The following FRMPD4 variants were observed in gnomAD, a reference collection of about 807,000 sequenced individuals.
The protein encoded by FRMPD4 is FERM and PDZ domain-containing protein 4.
In FRMPD4, 22 loss-of-function variants were observed where a neutral mutation model predicts 94.1. That is an observed-to-expected ratio of 0.23 (90% confidence interval 0.17 to 0.33). The LOEUF is 0.33. Among genes scored for constraint, FRMPD4 ranks in the 10% least tolerant of loss-of-function variants. The pLI, the probability that FRMPD4 is intolerant of heterozygous loss-of-function variation, is 1.00. For missense variants in FRMPD4, 1,111 were observed against 1,339.9 expected (o/e 0.83, Z 2.67); for synonymous variants, 631 against 548.6 (o/e 1.15, Z -2.10).
intron 1 of FRMPD4, among the ~76,000 whole-genome samples, chrX:12,397,343 T>A (rs776136624): frequency 2.7e-5 from 3 of 111,482 alleles, no homozygotes; most frequent in African/African-American, 9.8e-5. Flanking sequence ...AGAAATGTAC[T>A]CTGTGTAACA....
At chrX:11,882,805 T>C (rs2053821275) in intron 3 of FRMPD4, among the ~76,000 whole-genome samples, 1 of 111,241 alleles carries the variant, frequency 9.0e-6, no homozygotes, top group Non-Finnish European at 1.9e-5. Flanking sequence ...TTGGAGCATA[T>C]TTAGGGGCTC....
intron 1 of FRMPD4, among the ~76,000 whole-genome samples, chrX:12,328,839 G>A (rs2055327729): frequency 9.0e-6 from 1 of 111,523 alleles, no homozygotes; most frequent in South Asian, 3.8e-4. Context: ...GCCGGTATAG[G>A]GCTTATACAG....
chrX:12,460,199 A>T (rs2057377152), intron 1 of FRMPD4, among the ~76,000 whole-genome samples: 1 of 111,902 alleles, frequency 8.9e-6, no homozygotes, highest in Non-Finnish European at 1.9e-5. Flanking sequence ...ATTTTCTCTC[A>T]GTCTGTGGCT....
chrX:12,585,328 C>G (rs1321585237), intron 2 of FRMPD4, among the ~76,000 whole-genome samples: 1 of 110,142 alleles, frequency 9.1e-6, no homozygotes, highest in East Asian at 2.8e-4. Flanking sequence ...TCAAGCAATT[C>G]TCCTGCCTCA....
At chrX:12,336,851 A>AGT (rs1569236677) in intron 1 of FRMPD4, among the ~76,000 whole-genome samples, 1 of 111,819 alleles carries the variant, frequency 8.9e-6, no homozygotes, top group Non-Finnish European at 1.9e-5. Context: ...AAAGACAAGC[A>AGT]GTGTGTGTGT....
chrX:12,411,179 C>G (rs1397721141), intron 1 of FRMPD4, among the ~76,000 whole-genome samples: 1 of 111,741 alleles, frequency 8.9e-6, no homozygotes, highest in East Asian at 2.8e-4. Context: ...AACACCCACT[C>G]TTCAAGTTTT....
chrX:12,093,706 A>G (rs1445308049), intron 3 of FRMPD4, among the ~76,000 whole-genome samples: 1 of 110,629 alleles, frequency 9.0e-6, no homozygotes, highest in Non-Finnish European at 1.9e-5. Context: ...TATGCTTTGT[A>G]CTATTGAAGT....
At chrX:12,546,737 C>G (rs1204899206) in intron 2 of FRMPD4, among the ~76,000 whole-genome samples, 1 of 110,842 alleles carries the variant, frequency 9.0e-6, no homozygotes, top group Non-Finnish European at 1.9e-5. Context: ...ATATTATGAT[C>G]CATTCATCTC....
At chrX:12,619,627 G>A (rs1417172253) in intron 4 of FRMPD4, among the ~76,000 whole-genome samples, 1 of 111,816 alleles carries the variant, frequency 8.9e-6, no homozygotes, top group Non-Finnish European at 1.9e-5. Context: ...GCCCTGTTTG[G>A]CCTTAGTCCT....
At chrX:12,236,471 T>C (rs1261034035) in intron 1 of FRMPD4, among the ~76,000 whole-genome samples, 1 of 111,933 alleles carries the variant, frequency 8.9e-6, no homozygotes, top group Non-Finnish European at 1.9e-5. Flanking sequence ...CCTATTTATC[T>C]TTGAATCATT....
intron 1 of FRMPD4, among the ~76,000 whole-genome samples, chrX:11,842,248 T>G (rs1316322531): frequency 3.9e-5 from 4 of 102,728 alleles, no homozygotes; most frequent in Non-Finnish European, 3.9e-5. Flanking sequence ...TTTGGTTCCA[T>G]ATGAACTTTA....
chrX:11,833,654 C>T (rs2053486798), intron 1 of FRMPD4, among the ~76,000 whole-genome samples: 1 of 111,821 alleles, frequency 8.9e-6, no homozygotes, highest in Non-Finnish European at 1.9e-5. Flanking sequence ...TTTGCAGCCT[C>T]TCCACCTGGA....
At chrX:12,479,500 T>C (rs1450209931) in intron 1 of FRMPD4, among the ~76,000 whole-genome samples, 2 of 99,101 alleles carry the variant, frequency 2.0e-5, no homozygotes, top group South Asian at 8.8e-4. Flanking sequence ...ACGTATATAT[T>C]ATATATATAT....
intron 3 of FRMPD4, among the ~76,000 whole-genome samples, chrX:11,934,328 G>A (rs1487897056): frequency 8.9e-6 from 1 of 111,858 alleles, no homozygotes; most frequent in Non-Finnish European, 1.9e-5. Context: ...CATAGAAACA[G>A]GATGTTATGG....
intron 9 of FRMPD4, among the ~76,000 whole-genome samples, chrX:12,697,909 T>C (rs1208214907): frequency 8.9e-6 from 1 of 112,259 alleles, no homozygotes; most frequent in Non-Finnish European, 1.9e-5. Context: ...TATCCTCCGC[T>C]GAAACAGGAA....
chrX:12,653,908 C>G (rs937631196), intron 4 of FRMPD4, among the ~76,000 whole-genome samples: 33 of 111,940 alleles, frequency 2.9e-4, no homozygotes, highest in African/African-American at 1.0e-3. Context: ...GCTGGGATTA[C>G]AGGCATGTGC....
intron 1 of FRMPD4, among the ~76,000 whole-genome samples, chrX:12,424,370 A>G (rs2056922172): frequency 8.9e-6 from 1 of 112,990 alleles, no homozygotes; most frequent in South Asian, 3.6e-4. Flanking sequence ...TTCCTTGAAT[A>G]GTAGGACTTC....
chrX:12,008,459 AG>A (rs773128020), intron 3 of FRMPD4, among the ~76,000 whole-genome samples: 1 of 112,617 alleles, frequency 8.9e-6, no homozygotes, highest in Non-Finnish European at 1.9e-5. Flanking sequence ...AATTGGGCTA[AG>A]GGGTACTTCA....
At chrX:12,576,874 G>A (rs2058816912) in intron 2 of FRMPD4, among the ~76,000 whole-genome samples, 1 of 111,787 alleles carries the variant, frequency 8.9e-6, no homozygotes, top group Admixed American at 9.5e-5. Context: ...GTGTAGGAGT[G>A]GGCATTCACT....
Sources: allele counts gnomAD v4.1 joint callset (sites outside exome capture counted in the v4.1 genomes callset), GRCh38; gene constraint gnomAD v4.1.1; transcripts MANE v1.5; gene names NCBI Gene and HGNC (gene_info 2026-07-23, HGNC 2026-07-21).